The following DCDC1 variants were observed in gnomAD, a reference collection of about 807,000 sequenced individuals.
The protein encoded by DCDC1 is doublecortin domain containing 1.
Under a neutral mutation model 178.3 loss-of-function variants are expected in DCDC1, and 200 were observed. That is an observed-to-expected ratio of 1.12 (90% confidence interval 1.00 to 1.26). The LOEUF is 1.26. Among genes scored for constraint, DCDC1 ranks in the 50% most tolerant of loss-of-function variants. The pLI, the probability that DCDC1 is intolerant of heterozygous loss-of-function variation, is 0.00. For synonymous variants in DCDC1, 690 were observed against 604.8 expected, an observed-to-expected ratio of 1.14 and a Z score of -2.07; for missense variants, 1,983 against 1,749.2, an observed-to-expected ratio of 1.13 and a Z score of -2.38.
intron 7 of DCDC1, among the ~76,000 whole-genome samples, chr11:31,275,032 T>A (rs955442268): frequency 5.3e-5 from 8 of 152,072 alleles, no homozygotes; most frequent in Non-Finnish European, 5.9e-5. Context: ...ACCACTAGAC[T>A]AAAAGTTCCA....
chr11:31,087,209 G>A (rs532557745), intron 17 of DCDC1, among the ~76,000 whole-genome samples: 4 of 152,086 alleles, frequency 2.6e-5, no homozygotes, highest in East Asian at 3.9e-4. Flanking sequence ...TAATAACTGC[G>A]TGATATCTCT....
intron 11 of DCDC1, among the ~76,000 whole-genome samples, chr11:31,123,222 T>C (rs1439845311): frequency 1.3e-5 from 2 of 152,052 alleles, no homozygotes; most frequent in Non-Finnish European, 2.9e-5. Context: ...AATTTTCAGA[T>C]ACAACAAGCC....
intron 11 of DCDC1, among the ~76,000 whole-genome samples, chr11:31,116,660 C>T (rs1483923508): frequency 6.6e-6 from 1 of 151,838 alleles, no homozygotes; most frequent in Non-Finnish European, 1.5e-5. Context: ...TTATGGGATT[C>T]TGGCAACAAA....
intron 18 of DCDC1, among the ~76,000 whole-genome samples, chr11:31,068,775 C>T (rs918060820): frequency 2.0e-5 from 3 of 151,158 alleles, no homozygotes; most frequent in African/African-American, 7.3e-5. Flanking sequence ...TGGGAATATA[C>T]AAAAAGCATG....
chr11:31,212,617 A>AT (rs937190594), intron 9 of DCDC1, among the ~76,000 whole-genome samples: 3 of 152,060 alleles, frequency 2.0e-5, no homozygotes, highest in Non-Finnish European at 4.4e-5. Context: ...TTCAAATGAG[A>AT]TTTTTTTAAA....
intron 3 of DCDC1, chr11:31,314,633 C>G (rs557835975): frequency 6.6e-6 from 1 of 152,242 alleles, no homozygotes; most frequent in South Asian, 2.1e-4. Flanking sequence ...CTTATACTGA[C>G]TATCATCTTT....
chr11:31,215,133 TA>T, intron 9 of DCDC1: 1 of 251,508 alleles, frequency 4.0e-6, no homozygotes, highest in South Asian at 4.0e-5. Context: ...TGTGAACAAC[TA>T]AAATAGAAAT....
At chr11:31,309,142 T>TGTG (rs1555173338) in intron 3 of DCDC1, among the ~76,000 whole-genome samples, 1,552 of 148,026 alleles carry the variant, frequency 0.01, 23 homozygotes, top group African/African-American at 0.032. Context: ...AAATAGATGT[T>TGTG]TGTGTGTGTG....
chr11:30,886,102 C>G (rs1943144203), intron 36 of DCDC1, among the ~76,000 whole-genome samples: 1 of 151,554 alleles, frequency 6.6e-6, no homozygotes, highest in Non-Finnish European at 1.5e-5. Context: ...TACGTGTGAT[C>G]TACTATGATC....
chr11:30,873,513 G>T (rs914302113), intron 38 of DCDC1, among the ~76,000 whole-genome samples: 1 of 151,950 alleles, frequency 6.6e-6, no homozygotes, highest in African/African-American at 2.4e-5. Flanking sequence ...GATTTCATTG[G>T]TCTGGCAAGA....
At chr11:31,310,372 G>T (rs1948703119) in intron 3 of DCDC1, among the ~76,000 whole-genome samples, 1 of 126,050 alleles carries the variant, frequency 7.9e-6, no homozygotes, top group Non-Finnish European at 1.6e-5. Flanking sequence ...AGGCTGGAGT[G>T]CAGTGGCGCA....
intron 9 of DCDC1, among the ~76,000 whole-genome samples, chr11:31,210,063 G>T (rs749566241): frequency 6.6e-6 from 1 of 152,106 alleles, no homozygotes; most frequent in African/African-American, 2.4e-5. Flanking sequence ...GGGGGTATCC[G>T]ATAAATCCTA....
intron 20 of DCDC1, among the ~76,000 whole-genome samples, chr11:30,956,715 A>C (rs1258636461): frequency 6.6e-6 from 1 of 152,138 alleles, no homozygotes; most frequent in Non-Finnish European, 1.5e-5. Flanking sequence ...CTTAACTATA[A>C]ATTTTATTTT....
chr11:31,128,498 C>T (rs1961964254), intron 10 of DCDC1, among the ~76,000 whole-genome samples: 1 of 152,082 alleles, frequency 6.6e-6, no homozygotes, highest in Admixed American at 6.5e-5. Context: ...AGGCTGGATT[C>T]TTACATAAAC....
Position 31,060,716 on chromosome 11 carries a change from A to G in DCDC1, c.2591+3753T>C, listed in dbSNP as rs1420626197. ...AAACATTTAATTATTAAAATTTGGG[A>G]AATAACTAAATATTTAAAAATGTGA... is the stretch of plus-strand genomic sequence containing the variant. On this transcript the variant is annotated intron_variant, in intron 20 of 38. Transcript: ENST00000684477. Among the ~76,000 whole-genome samples, 5 of 152,250 alleles carry G rather than the reference A, an allele frequency of 3.3e-5. No homozygotes were observed. In the South Asian group the frequency reaches 1.0e-3, roughly 32 times the overall value.
At chr11:31,344,229 A>G (rs1950698452) in intron 1 of DCDC1, among the ~76,000 whole-genome samples, 1 of 152,234 alleles carries the variant, frequency 6.6e-6, no homozygotes, top group Admixed American at 6.5e-5. Context: ...CTGACACTAA[A>G]TACTATGGTA....
At chr11:31,120,766 C>T (rs1960679822) in intron 11 of DCDC1, among the ~76,000 whole-genome samples, 1 of 152,144 alleles carries the variant, frequency 6.6e-6, no homozygotes, top group South Asian at 2.1e-4. Context: ...CACACATTCT[C>T]CTTGCTCATC....
At chr11:30,995,223 C>T (rs560187548) in intron 20 of DCDC1, among the ~76,000 whole-genome samples, 3 of 151,862 alleles carry the variant, frequency 2.0e-5, no homozygotes, top group Non-Finnish European at 2.9e-5. Context: ...GCAGTATCTA[C>T]GTGGTAAAAA....
At chr11:31,052,255 G>C (rs1301341019) in intron 20 of DCDC1, among the ~76,000 whole-genome samples, 4 of 152,152 alleles carry the variant, frequency 2.6e-5, no homozygotes, top group Non-Finnish European at 5.9e-5. Flanking sequence ...AAGAGACAAA[G>C]AGAGACATTA....
Sources: allele counts gnomAD v4.1 joint callset (sites outside exome capture counted in the v4.1 genomes callset), GRCh38; gene constraint gnomAD v4.1.1; transcripts MANE v1.5; gene names NCBI Gene and HGNC (gene_info 2026-07-23, HGNC 2026-07-21).